Variants in BMP5 observed in about 807,000 individuals in gnomAD.
BMP5 encodes the protein bone morphogenetic protein 5.
A neutral mutation model predicts 46.6 loss-of-function variants in BMP5; 23 were observed. That is an observed-to-expected ratio of 0.49 (90% CI 0.35 to 0.70). The LOEUF (loss-of-function observed/expected upper bound fraction) is 0.70. BMP5 is among the 30% of genes least tolerant of loss of function. The pLI is 0.00. For synonymous variants in BMP5, 204 were observed against 191.9 expected (o/e 1.06, Z -0.52); for missense variants, 545 against 565.6 (o/e 0.96, Z 0.37).
rs911644211 is a variant in BMP5 at position 55,756,008 on chromosome 6, A to C, written c.1216-326T>G. Among the ~76,000 whole-genome samples the C allele has an allele frequency of 3.3e-5, 5 of 151,960 alleles. No homozygotes were observed. The East Asian group carries it at 9.7e-4, about 29-fold the overall frequency. ...CTAGCACGTTGTTGCTTTTAGTTGAAATAACTGTTCCTATATATATCATGA... is the reference window on the plus strand; with the variant it reads ...CTAGCACGTTGTTGCTTTTAGTTGACATAACTGTTCCTATATATATCATGA... On this transcript the variant is annotated intron_variant, in intron 6 of 6. Transcript: ENST00000370830.
intron 2 of BMP5, among the ~76,000 whole-genome samples, chr6:55,811,124 G>A (rs972324511): frequency 4.6e-5 from 7 of 152,114 alleles, no homozygotes; most frequent in Admixed American, 3.9e-4. Context: ...AAGAGCCCAG[G>A]AAATCTTCCT....
intron 1 of BMP5, among the ~76,000 whole-genome samples, chr6:55,845,365 A>C (rs1408643461): frequency 4.0e-5 from 6 of 151,890 alleles, no homozygotes; most frequent in Non-Finnish European, 7.4e-5. Context: ...CAGCATATTC[A>C]CCTGGAACCT....
intron 2 of BMP5, among the ~76,000 whole-genome samples, chr6:55,817,631 A>T (rs1234917382): frequency 6.6e-6 from 1 of 152,162 alleles, no homozygotes; most frequent in Non-Finnish European, 1.5e-5. Flanking sequence ...GGATAGCATT[A>T]GGAGATATAC....
rs2127557947 is a variant in BMP5 at position 55,875,256 on chromosome 6, G to C, written c.-391C>G. 1 of 219,064 alleles carries C rather than the reference G, an allele frequency of 4.6e-6. No individual in the cohort carries two copies. Among genetic ancestry groups the C allele is most frequent in the East Asian group, 1.2e-4 (1 of 8,160 alleles). 13.6% of individuals were successfully genotyped at this position (219,064 alleles called of 1,614,324 possible). ...AAAGTTGATCTTCTGATAAACTGTA[G>C]TTCCCAAAGTAATCTTCACTTGCTT... On this transcript the variant is annotated 5_prime_UTR_variant, in exon 1 of 7. Coordinates refer to ENST00000370830, the MANE Select transcript of BMP5 (RefSeq NM_021073.4).
At chr6:55,855,403 G>A (rs1480815858) in intron 1 of BMP5, among the ~76,000 whole-genome samples, 1 of 151,346 alleles carries the variant, frequency 6.6e-6, no homozygotes, top group African/African-American at 2.4e-5. Context: ...AAAAAGGGGG[G>A]GGATTTTTAA....
At chr6:55,768,543 C>T (rs757541310) in intron 4 of BMP5, among the ~76,000 whole-genome samples, 1 of 151,912 alleles carries the variant, frequency 6.6e-6, no homozygotes, top group Non-Finnish European at 1.5e-5. Flanking sequence ...GATATTTGAG[C>T]TTATGGTACT....
intron 1 of BMP5, among the ~76,000 whole-genome samples, chr6:55,838,114 C>T (rs1188616622): frequency 6.6e-6 from 1 of 152,168 alleles, no homozygotes. Context: ...AGTGCTTTAG[C>T]AAACACAGGA....
intron 2 of BMP5, among the ~76,000 whole-genome samples, chr6:55,808,070 C>T (rs2127534115): frequency 6.6e-6 from 1 of 152,312 alleles, no homozygotes; most frequent in South Asian, 2.1e-4. Flanking sequence ...TTCCTCAGAA[C>T]TAGCCAGAGG....
At chr6:55,764,571 C>CAAAAAAAAA (rs57293392) in intron 4 of BMP5, among the ~76,000 whole-genome samples, 1 of 110,146 alleles carries the variant, frequency 9.1e-6, no homozygotes, top group Non-Finnish European at 2.0e-5. Context: ...GACTCTGTCT[C>CAAAAAAAAA]AAAAAAAAAA....
At chr6:55,796,481 T>G (rs1351864812) in intron 2 of BMP5, among the ~76,000 whole-genome samples, 2 of 151,990 alleles carry the variant, frequency 1.3e-5, no homozygotes, top group East Asian at 3.9e-4. Flanking sequence ...TTTTTTCTTA[T>G]GGAATTTGTA....
intron 5 of BMP5, 75 bp downstream of exon 5, chr6:55,760,382 T>C: frequency 7.4e-7 from 1 of 1,356,130 alleles, no homozygotes. Flanking sequence ...GGAAAATTAC[T>C]GCCAAAGACT....
intron 3 of BMP5, among the ~76,000 whole-genome samples, chr6:55,780,309 G>C (rs753132488): frequency 6.6e-6 from 1 of 151,256 alleles, no homozygotes; most frequent in Admixed American, 6.6e-5. Flanking sequence ...TATGAGTTGA[G>C]AGTTTTCTGT....
intron 1 of BMP5, among the ~76,000 whole-genome samples, chr6:55,862,743 G>A (rs1000444524): frequency 8.6e-5 from 13 of 152,040 alleles, no homozygotes; most frequent in African/African-American, 3.1e-4. Context: ...AAAGTCACTG[G>A]AGCCTCCATA....
chr6:55,868,275 C>A (rs539626484), intron 1 of BMP5, among the ~76,000 whole-genome samples: 1 of 152,052 alleles, frequency 6.6e-6, no homozygotes, highest in Non-Finnish European at 1.5e-5. Context: ...TTAACAAGAA[C>A]AATAAAAGTT....
At chr6:55,865,113 T>A (rs1158222442) in intron 1 of BMP5, among the ~76,000 whole-genome samples, 1 of 152,160 alleles carries the variant, frequency 6.6e-6, no homozygotes, top group Non-Finnish European at 1.5e-5. Context: ...ACTTTCCTGC[T>A]TAGAGTTTAA....
chr6:55,766,630 G>A lies in BMP5; in HGVS notation c.1028-6097C>T, dbSNP rs375656996. 2.0e-5 allele frequency among the ~76,000 whole-genome samples: 3 copies of A among 151,952 alleles called. No individual in the cohort carries two copies. In the East Asian group the frequency reaches 5.8e-4, roughly 30 times the overall value. On this transcript the variant is annotated intron_variant, in intron 4 of 6. Coordinates refer to ENST00000370830, the MANE Select transcript of BMP5 (RefSeq NM_021073.4). ...TTGGCATTCCATTCTGCACTCCATG[G>A]CCAAAATTAACTTTTTAAAATGCAT...
chr6:55,774,438 G>A (rs1262795734), intron 3 of BMP5, among the ~76,000 whole-genome samples, 195 bp from the exon 4 acceptor site: 1 of 151,798 alleles, frequency 6.6e-6, no homozygotes, highest in Non-Finnish European at 1.5e-5. Flanking sequence ...GTTACATCTT[G>A]CATCATTCTT....
At chr6:55,819,519 C>A (rs116439016) in intron 2 of BMP5, 136 bp downstream of exon 2, 5 of 736,196 alleles carry the variant, frequency 6.8e-6, no homozygotes, top group Non-Finnish European at 9.0e-6. Flanking sequence ...CTTTCAATAT[C>A]TCTACCTGGC....
chr6:55,853,357 T>TCTCTCTCTCA (rs1777302777), intron 1 of BMP5, among the ~76,000 whole-genome samples: 1 of 143,868 alleles, frequency 7.0e-6, no homozygotes, highest in Non-Finnish European at 1.5e-5. Context: ...TCTCTCTCTC[T>TCTCTCTCTCA]CTCTCTGACT....
Sources: allele counts gnomAD v4.1 joint callset (sites outside exome capture counted in the v4.1 genomes callset), GRCh38; gene constraint gnomAD v4.1.1; transcripts MANE v1.5; gene names NCBI Gene and HGNC (gene_info 2026-07-23, HGNC 2026-07-21).